Variants in SLC39A1 observed in about 807,000 individuals in gnomAD.
SLC39A1 encodes solute carrier family 39 member 1.
In SLC39A1, 17 loss-of-function variants were observed where a neutral mutation model predicts 21.4. That is an observed-to-expected ratio of 0.79 (90% CI 0.54 to 1.19). The LOEUF is 1.19. Ranked by LOEUF, SLC39A1 falls within the 50% of genes most tolerant of loss-of-function variation. The pLI, the probability that SLC39A1 is intolerant of heterozygous loss-of-function variation, is 0.00. For synonymous variants in SLC39A1, 183 were observed against 185.9 expected, an observed-to-expected ratio of 0.98 and a Z score of 0.13; for missense variants, 343 against 399.8, an observed-to-expected ratio of 0.86 and a Z score of 1.21.
In SLC39A1 at chr1:153,962,728, A is replaced by G; in HGVS notation, c.-13T>C. The G allele has an allele frequency of 6.4e-7, 1 of 1,556,892 alleles. No homozygotes were observed. Among genetic ancestry groups the G allele is most frequent in the Non-Finnish European group, 8.7e-7 (1 of 1,151,852 alleles). ...CCCAGGGCCCCATGATGCTTCTGGTAGCTCCAGTGACTCTCAGACCTAGGA... is the reference window on the plus strand; with the variant it reads ...CCCAGGGCCCCATGATGCTTCTGGTGGCTCCAGTGACTCTCAGACCTAGGA... On this transcript the variant is annotated 5_prime_UTR_variant, in exon 2 of 4. Coordinates refer to ENST00000356205, the MANE Select transcript of SLC39A1 (RefSeq NM_001271958.2).
chr1:153,965,736 G>A (rs552783585), upstream of SLC39A1, among the ~76,000 whole-genome samples: 9 of 151,856 alleles, frequency 5.9e-5, no homozygotes, highest in Admixed American at 2.0e-4. Context: ...ACAGGCGCCC[G>A]CCACCACGCC....
At chr1:153,962,820 T>C in intron 1 of SLC39A1, 73 bp from the exon 2 acceptor site, 1 of 1,256,076 alleles carries the variant, frequency 8.0e-7, no homozygotes, top group Non-Finnish European at 1.1e-6. Flanking sequence ...GGAAGCTTGG[T>C]CAGCAGAGTG....
intron 3 of SLC39A1, 54 bp downstream of exon 3, chr1:153,962,166 C>T: frequency 6.3e-7 from 1 of 1,595,390 alleles, no homozygotes; most frequent in Non-Finnish European, 8.5e-7. Context: ...AACCAACACT[C>T]CCAGAGGTGT....
In SLC39A1 at chr1:153,960,688, T is replaced by C; in HGVS notation, c.385A>G (p.Ile129Val). ...GFFLVLVMEQ[I>V]TLAYKEQSGP... ...GACTGCTCCTTGTAAGCCAGTGTGATCTGCTCCATCACCAGGACCAGGAAG... is the reference window on the plus strand; with the variant it reads ...GACTGCTCCTTGTAAGCCAGTGTGACCTGCTCCATCACCAGGACCAGGAAG... The change falls in exon 4 of 4, where the codon ATC (isoleucine) becomes GTC (valine). Residue 129 changes from isoleucine to valine, a missense_variant. Physicochemically the swap from Ile to Val is conservative, Grantham distance 29. Coordinates refer to ENST00000356205, the MANE Select transcript of SLC39A1 (RefSeq NM_001271958.2). 1.2e-6 allele frequency: 2 copies of C among 1,614,024 alleles called. No individual in the cohort carries two copies. The highest frequency in any genetic ancestry group is 4.5e-5 in the East Asian group (2 of 44,896).
chr1:153,967,400 T>TTTCCCGGAGCTTTCTCCCAGC (rs1401747467), upstream of SLC39A1: 10 of 152,226 alleles, frequency 6.6e-5, no homozygotes, highest in African/African-American at 2.4e-4. Context: ...CTGCTCAGGG[T>TTTCCCGGAGCTTTCTCCCAGC]TTCCCGGAGC....
chr1:153,967,786 C>A (rs1647903358), upstream of SLC39A1: 1 of 152,170 alleles, frequency 6.6e-6, no homozygotes, highest in African/African-American at 2.4e-5. Context: ...GGCTCGATGT[C>A]CTGCCCCTCC....
rs1457926436 is a variant in SLC39A1 at position 153,960,457 on chromosome 1, G to A, written c.616C>T (p.Arg206Trp). Residue 206 changes from arginine (R) to tryptophan (W), a missense_variant, in exon 4 of 4, where the codon CGG (arginine) becomes TGG (tryptophan). Coordinates refer to ENST00000356205, the MANE Select transcript of SLC39A1 (RefSeq NM_001271958.2). ...LAVGLQRDRA[R>W]AMELCLALLL... ...AAAGCCAGGCACAGCTCCATGGCCC[G>A]AGCCCGGTCTCGCTGCAGCCCTACC... The A allele has an allele frequency of 5.0e-6, 8 of 1,613,694 alleles. No individual in the cohort carries two copies. Among genetic ancestry groups the A allele is most frequent in the African/African-American group, 1.3e-5 (1 of 75,068 alleles).
rs1647257281 is a variant in SLC39A1 at position 153,959,802 on chromosome 1, A to G, written c.*296T>C. The G allele has an allele frequency of 5.1e-6, 2 of 393,474 alleles. No homozygotes were observed. The highest frequency in any genetic ancestry group is 7.4e-5 in the South Asian group (2 of 27,018). The allele number at this position is 393,474 out of a possible 1,614,324, so 24.4% of individuals were successfully genotyped here. ...CTCCCATGTGAGCCTGTCCTTATGT[A>G]TAGTGTCCAACCTCTGATTCTAGCA... On this transcript the variant is annotated 3_prime_UTR_variant, in exon 4 of 4. Transcript: ENST00000356205.
In SLC39A1 at chr1:153,960,397, A is replaced by T; in HGVS notation, c.676T>A (p.Ser226Thr). Reference protein sequence around the residue: ...LHKGILAVSLSLRLLQSHLRA... With the variant: ...LHKGILAVSLTLRLLQSHLRA... ...AGGTGGCTCTGCAACAGCCGCAGGG[A>T]CAGGCTGACAGCCAGGATGCCCTTG... Residue 226 changes from serine to threonine, a missense_variant, in exon 4 of 4, where the codon TCC becomes ACC. By Grantham distance (58) the Ser-to-Thr change is moderately conservative. Coordinates refer to ENST00000356205, the MANE Select transcript of SLC39A1 (RefSeq NM_001271958.2). 4 of 1,614,056 alleles carry T rather than the reference A, an allele frequency of 2.5e-6. No individual in the cohort carries two copies. The highest frequency in any genetic ancestry group is 2.5e-6 in the Non-Finnish European group (3 of 1,180,052).
Position 153,959,976 on chromosome 1 carries a change from G to A in SLC39A1, c.*122C>T. The A allele has an allele frequency of 8.4e-7, 1 of 1,194,086 alleles. No individual in the cohort carries two copies. Among genetic ancestry groups the A allele is most frequent in the Non-Finnish European group, 1.2e-6 (1 of 852,404 alleles). The allele number at this position is 1,194,086 out of a possible 1,614,324, so 74.0% of individuals were successfully genotyped here. On this transcript the variant is annotated 3_prime_UTR_variant, in exon 4 of 4. Transcript: ENST00000356205. ...CCAAAGGCTCTATCTTTAGCTCCCA[G>A]AGAACTTTTTGGTCCTCAGTATTTC...
rs368904443 is a variant in SLC39A1 at position 153,960,077 on chromosome 1, C to A, written c.*21G>T. The A allele has an allele frequency of 6.3e-7, 1 of 1,577,312 alleles. No homozygotes were observed. Among genetic ancestry groups the A allele is most frequent in the African/African-American group, 1.3e-5 (1 of 74,384 alleles). The stretch of plus-strand genomic sequence containing the variant: ...AGGGGCACCTGATCATCAATCTCCC[C>A]TGCCCCTCTCTTGAAGCCCCCTAGA... On this transcript the variant is annotated 3_prime_UTR_variant, in exon 4 of 4. Coordinates refer to ENST00000356205, the MANE Select transcript of SLC39A1 (RefSeq NM_001271958.2).
In SLC39A1 at chr1:153,960,435, G is replaced by A. The variant is rs775649831; in HGVS notation, c.638C>T (p.Ala213Val). The change falls in exon 4 of 4, where the codon GCT becomes GTT. Residue 213 changes from alanine (A) to valine (V), a missense_variant. By Grantham distance (64) the Ala-to-Val change is moderately conservative. Coordinates refer to ENST00000356205, the MANE Select transcript of SLC39A1 (RefSeq NM_001271958.2). ...DRARAMELCLALLLHKGILAV... is the reference protein window; with the variant it reads ...DRARAMELCLVLLLHKGILAV... ...CAGGATGCCCTTGTGGAGCAGCAAA[G>A]CCAGGCACAGCTCCATGGCCCGAGC... The A allele has an allele frequency of 6.2e-7, 1 of 1,613,940 alleles. No homozygotes were observed.
In SLC39A1 at chr1:153,959,254, C is replaced by G. The variant is rs1680823591; in HGVS notation, c.*844G>C. On this transcript the variant is annotated 3_prime_UTR_variant, in exon 4 of 4. Transcript: ENST00000356205. ...GGCATTGCCCTTCCCCCTTGGGCTC[C>G]TCGGGTGTATTTAAAAAAATGTTTT... The G allele has an allele frequency of 2.5e-6, 1 of 398,886 alleles. No individual in the cohort carries two copies. The allele number at this position is 398,886 out of a possible 1,614,324, so 24.7% of individuals were successfully genotyped here. A position where few individuals can be genotyped will look rare whatever the true frequency, so the allele number is the denominator to read the frequency against.
chr1:153,960,453 G>A lies in SLC39A1; in HGVS notation c.620C>T (p.Ala207Val), dbSNP rs897980371. 4.3e-6 allele frequency: 7 copies of A among 1,613,714 alleles called. No homozygotes were observed. Among genetic ancestry groups the A allele is most frequent in the Non-Finnish European group, 5.9e-6 (7 of 1,179,982 alleles). The change falls in exon 4 of 4, where the codon GCC (alanine) becomes GTC (valine). Residue 207 changes from alanine to valine, a missense_variant. Coordinates refer to ENST00000356205, the MANE Select transcript of SLC39A1 (RefSeq NM_001271958.2). ...CAGCAAAGCCAGGCACAGCTCCATG[G>A]CCCGAGCCCGGTCTCGCTGCAGCCC... The part of the protein sequence containing the change: ...AVGLQRDRAR[A>V]MELCLALLLH...
chr1:153,959,539 G>C lies in SLC39A1; in HGVS notation c.*559C>G. The C allele has an allele frequency of 5.6e-6, 2 of 359,362 alleles. No individual in the cohort carries two copies. Among genetic ancestry groups the C allele is most frequent in the Non-Finnish European group, 9.9e-6 (2 of 201,310 alleles). 22.3% of individuals were successfully genotyped at this position (359,362 alleles called of 1,614,324 possible). The stretch of plus-strand genomic sequence containing the variant: ...TGTTTGGCACTTTAAAAATAGAGGA[G>C]TAAGCAGGACTGGAGAGGCCAGAGA... On this transcript the variant is annotated 3_prime_UTR_variant, in exon 4 of 4. Transcript: ENST00000356205.
Position 153,960,418 on chromosome 1 carries a change from C to T in SLC39A1, c.655G>A (p.Gly219Ser), listed in dbSNP as rs1444144249. 5 of 1,614,032 alleles carry T rather than the reference C, an allele frequency of 3.1e-6. No homozygotes were observed. Among genetic ancestry groups the T allele is most frequent in the Non-Finnish European group, 4.2e-6 (5 of 1,180,052 alleles). The change falls in exon 4 of 4, where the codon GGC becomes AGC. Residue 219 changes from glycine (G) to serine (S), a missense_variant. Coordinates refer to ENST00000356205, the MANE Select transcript of SLC39A1 (RefSeq NM_001271958.2). The part of the protein sequence containing the change: ...ELCLALLLHK[G>S]ILAVSLSLRL... The stretch of plus-strand genomic sequence containing the variant: ...AGGGACAGGCTGACAGCCAGGATGC[C>T]CTTGTGGAGCAGCAAAGCCAGGCAC...
At chr1:153,965,746 C>T (rs1360301029), upstream of SLC39A1, among the ~76,000 whole-genome samples, 1 of 151,858 alleles carries the variant, frequency 6.6e-6, no homozygotes, top group Non-Finnish European at 1.5e-5. Flanking sequence ...GCCACCACGC[C>T]CGGCTAATTT....
intron 3 of SLC39A1, among the ~76,000 whole-genome samples, 161 bp from the exon 4 acceptor site, chr1:153,960,915 G>A (rs1025343694): frequency 4.6e-5 from 7 of 152,202 alleles, no homozygotes; most frequent in African/African-American, 1.4e-4. Context: ...AGAATGATAC[G>A]TACACACAGA....
chr1:153,960,872 C>T (rs895574742), intron 3 of SLC39A1, 118 bp from the exon 4 acceptor site: 2 of 897,902 alleles, frequency 2.2e-6, no homozygotes, highest in Non-Finnish European at 3.3e-6. Context: ...CTCTCAGTCA[C>T]ACAAAGATAG....
Sources: allele counts gnomAD v4.1 joint callset (sites outside exome capture counted in the v4.1 genomes callset), GRCh38; gene constraint gnomAD v4.1.1; transcripts MANE v1.5; gene names NCBI Gene and HGNC (gene_info 2026-07-23, HGNC 2026-07-21).